WWOX: variants seen among roughly 807,000 people sequenced by gnomAD.
WWOX encodes the protein WW domain-containing oxidoreductase.
A neutral mutation model predicts 46.2 loss-of-function variants in WWOX; 69 were observed. That is an observed-to-expected ratio of 1.49 (90% CI 1.23 to 1.82). WWOX has a LOEUF of 1.82. WWOX is among the 40% of genes most tolerant of loss of function. The pLI is 0.00. For synonymous variants in WWOX, 359 were observed against 202.6 expected (o/e 1.77, Z -6.56); for missense variants, 919 against 542.6 (o/e 1.69, Z -6.89).
chr16:79,165,364 A>C (rs2050573512), intron 8 of WWOX, among the ~76,000 whole-genome samples: 1 of 152,188 alleles, frequency 6.6e-6, no homozygotes, highest in Non-Finnish European at 1.5e-5. Context: ...TGGAAACAAC[A>C]TGGGCTTTAG....
At chr16:78,669,481 G>T (rs1204293639) in intron 8 of WWOX, among the ~76,000 whole-genome samples, 1 of 152,170 alleles carries the variant, frequency 6.6e-6, no homozygotes. Flanking sequence ...GTCATCTAAT[G>T]GGTCAAGGCC....
chr16:79,164,861 C>G (rs954734144), intron 8 of WWOX, among the ~76,000 whole-genome samples: 1 of 152,068 alleles, frequency 6.6e-6, no homozygotes, highest in South Asian at 2.1e-4. Context: ...CTCATAAAAC[C>G]TACAAATACA....
chr16:79,032,726 G>C (rs1047285405), intron 8 of WWOX, among the ~76,000 whole-genome samples: 1 of 150,932 alleles, frequency 6.6e-6, no homozygotes, highest in Non-Finnish European at 1.5e-5. Context: ...TCCTGAACCA[G>C]CCTTAGATTG....
intron 8 of WWOX, among the ~76,000 whole-genome samples, chr16:79,094,151 G>C (rs1289191916): frequency 2.6e-5 from 4 of 151,668 alleles, no homozygotes; most frequent in Non-Finnish European, 4.4e-5. Context: ...ACAAACAACT[G>C]TGCATGTAGG....
intron 8 of WWOX, among the ~76,000 whole-genome samples, chr16:79,011,105 G>C: frequency 6.7e-6 from 1 of 149,668 alleles, no homozygotes; most frequent in East Asian, 2.0e-4. Context: ...CATATGATAT[G>C]TATGGTTACA....
chr16:78,584,909 C>G (rs1032282198), intron 8 of WWOX, among the ~76,000 whole-genome samples: 2 of 152,326 alleles, frequency 1.3e-5, no homozygotes, highest in Non-Finnish European at 2.9e-5. Flanking sequence ...CATTCATTGA[C>G]AGAATTTTTC....
intron 8 of WWOX, among the ~76,000 whole-genome samples, chr16:78,558,235 A>G (rs1414208849): frequency 6.6e-6 from 1 of 152,222 alleles, no homozygotes; most frequent in East Asian, 1.9e-4. Context: ...GGTAAGAAGT[A>G]AGAAAATTTC....
intron 5 of WWOX, among the ~76,000 whole-genome samples, chr16:78,221,842 C>A (rs948829700): frequency 1.3e-5 from 2 of 152,178 alleles, no homozygotes; most frequent in Non-Finnish European, 2.9e-5. Flanking sequence ...ACAGGTCTCA[C>A]CTCCCTCCAA....
intron 8 of WWOX, chr16:78,898,102 T>G (rs953093234): frequency 1.3e-5 from 2 of 152,124 alleles, no homozygotes; most frequent in Non-Finnish European, 2.9e-5. Context: ...TCCTTTGTCT[T>G]GTCTATTTAT....
intron 8 of WWOX, among the ~76,000 whole-genome samples, chr16:78,725,984 T>C (rs55638337): frequency 6.7e-5 from 10 of 149,826 alleles, no homozygotes; most frequent in East Asian, 2.0e-4. Context: ...CTCCTTCTCC[T>C]TCTCCTCCTT....
At chr16:78,964,270 A>G (rs1368835636) in intron 8 of WWOX, among the ~76,000 whole-genome samples, 4 of 152,250 alleles carry the variant, frequency 2.6e-5, no homozygotes, top group South Asian at 2.1e-4. Flanking sequence ...GGAGCTTCCT[A>G]GAGACTTGTT....
intron 8 of WWOX, among the ~76,000 whole-genome samples, chr16:79,108,743 A>G (rs1232048907): frequency 2.6e-5 from 4 of 151,888 alleles, no homozygotes; most frequent in Non-Finnish European, 5.9e-5. Flanking sequence ...CTCTACAAAA[A>G]ATAAAAAATT....
chr16:78,257,856 A>T (rs2038173278), intron 5 of WWOX, among the ~76,000 whole-genome samples: 1 of 152,170 alleles, frequency 6.6e-6, no homozygotes, highest in South Asian at 2.1e-4. Flanking sequence ...TGGGACAAAT[A>T]GCCACTCTCT....
At chr16:78,899,199 T>C (rs2044768919) in intron 8 of WWOX, 1 of 152,176 alleles carries the variant, frequency 6.6e-6, no homozygotes, top group Non-Finnish European at 1.5e-5. Context: ...TAGTTGTATG[T>C]TTTCTGTACC....
chr16:78,178,230 C>G (rs905250450), intron 5 of WWOX, among the ~76,000 whole-genome samples: 1 of 152,214 alleles, frequency 6.6e-6, no homozygotes, highest in Non-Finnish European at 1.5e-5. Context: ...TCAAACCTCA[C>G]TGGTCCCCCG....
intron 8 of WWOX, among the ~76,000 whole-genome samples, chr16:78,588,986 G>T (rs1171676391): frequency 6.6e-6 from 1 of 152,092 alleles, no homozygotes; most frequent in Admixed American, 6.6e-5. Flanking sequence ...CCTCTTGCTG[G>T]GAATGTGGCC....
At chr16:78,980,617 A>G (rs1212470193) in intron 8 of WWOX, among the ~76,000 whole-genome samples, 1 of 152,186 alleles carries the variant, frequency 6.6e-6, no homozygotes, top group Non-Finnish European at 1.5e-5. Flanking sequence ...GATGGTAAGA[A>G]TGATAATACC....
At chr16:78,477,172 G>A (rs2084371222) in intron 8 of WWOX, among the ~76,000 whole-genome samples, 1 of 152,072 alleles carries the variant, frequency 6.6e-6, no homozygotes, top group Non-Finnish European at 1.5e-5. Context: ...TGTAATCGAA[G>A]CAGCAAGAGT....
At chr16:78,190,712 A>G (rs961708292) in intron 5 of WWOX, among the ~76,000 whole-genome samples, 2 of 152,148 alleles carry the variant, frequency 1.3e-5, no homozygotes, top group African/African-American at 4.8e-5. Context: ...ACCACTTGGT[A>G]TGAAACCCAG....
Sources: allele counts gnomAD v4.1 joint callset (sites outside exome capture counted in the v4.1 genomes callset), GRCh38; gene constraint gnomAD v4.1.1; transcripts MANE v1.5; gene names NCBI Gene and HGNC (gene_info 2026-07-23, HGNC 2026-07-21).